The following NRXN3 variants were observed in gnomAD, a reference collection of about 807,000 sequenced individuals.
NRXN3 encodes the protein neurexin III.
In NRXN3, 32 loss-of-function variants were observed where a neutral mutation model predicts 137.6. The ratio of observed to expected loss-of-function variants is 0.23; its 90% CI spans 0.18 to 0.31. The LOEUF (loss-of-function observed/expected upper bound fraction) is 0.31, where lower values mean the gene tolerates loss of function less well. NRXN3 is among the 10% of genes least tolerant of loss of function. The probability of loss-of-function intolerance (pLI) is 1.00; values close to 1 mark genes in which losing one functional copy is unlikely to be tolerated. For synonymous variants in NRXN3, 798 were observed against 784.5 expected (o/e 1.02, Z -0.29); for missense variants, 1,574 against 2,062.5 (o/e 0.76, Z 4.59).
chr14:79,794,224 C>A (rs972256553), intron 19 of NRXN3, among the ~76,000 whole-genome samples: 3 of 151,956 alleles, frequency 2.0e-5, no homozygotes, highest in Admixed American at 1.3e-4. Context: ...ATTAGCAGGG[C>A]GTGGTGGCAG....
intron 16 of NRXN3, among the ~76,000 whole-genome samples, chr14:79,598,630 A>T (rs2097888097): frequency 6.6e-6 from 1 of 152,214 alleles, no homozygotes; most frequent in Non-Finnish European, 1.5e-5. Context: ...TTTGGCTAGA[A>T]GCCTAAGCAG....
At chr14:78,929,228 A>G (rs903542241) in intron 10 of NRXN3, among the ~76,000 whole-genome samples, 4 of 152,072 alleles carry the variant, frequency 2.6e-5, no homozygotes, top group African/African-American at 4.8e-5. Flanking sequence ...TTTTGAGTTC[A>G]GGGGTACATG....
chr14:79,275,732 G>A (rs1052332628), intron 15 of NRXN3, among the ~76,000 whole-genome samples: 1 of 139,078 alleles, frequency 7.2e-6, no homozygotes, highest in Non-Finnish European at 1.6e-5. Flanking sequence ...GGGTGAGGAT[G>A]GGGGGGGGGA....
intron 3 of NRXN3, among the ~76,000 whole-genome samples, chr14:78,285,391 T>C (rs2075035738): frequency 6.6e-6 from 1 of 152,200 alleles, no homozygotes; most frequent in Admixed American, 6.5e-5. Flanking sequence ...ATTACATGCC[T>C]CATTTAATGT....
At chr14:78,451,932 C>T (rs568735220) in intron 4 of NRXN3, among the ~76,000 whole-genome samples, 244 of 152,256 alleles carry the variant, frequency 1.6e-3, no homozygotes, top group African/African-American at 5.7e-3. Context: ...TCACATTTCC[C>T]CATGAAATTT....
chr14:79,499,050 T>C (rs533777929), intron 16 of NRXN3, among the ~76,000 whole-genome samples: 9 of 152,204 alleles, frequency 5.9e-5, no homozygotes, highest in Admixed American at 2.0e-4. Flanking sequence ...TCCCTGCCAA[T>C]CTTTTCTCCT....
At chr14:79,783,543 A>C (rs1201682695) in intron 19 of NRXN3, among the ~76,000 whole-genome samples, 1 of 152,200 alleles carries the variant, frequency 6.6e-6, no homozygotes, top group Non-Finnish European at 1.5e-5. Context: ...TGACTAAAAA[A>C]CAGAAATTTC....
At chr14:78,726,239 G>T (rs759528097) in intron 8 of NRXN3, among the ~76,000 whole-genome samples, 1 of 151,758 alleles carries the variant, frequency 6.6e-6, no homozygotes, top group African/African-American at 2.4e-5. Context: ...TGTGCAGAAC[G>T]TGCAGTTTTT....
chr14:78,543,264 GAAGTCCATA>G (rs913349708), intron 4 of NRXN3, among the ~76,000 whole-genome samples: 1 of 152,106 alleles, frequency 6.6e-6, no homozygotes, highest in Non-Finnish European at 1.5e-5. Flanking sequence ...GATCATAAAT[GAAGTCCATA>G]AAGTCCATAA....
chr14:78,695,504 C>G (rs748538792), intron 6 of NRXN3: 2 of 151,926 alleles, frequency 1.3e-5, no homozygotes, highest in Non-Finnish European at 2.9e-5. Context: ...CAGGAAAGGT[C>G]TAATTTAGGT....
chr14:78,766,927 C>T (rs923228758), intron 8 of NRXN3, among the ~76,000 whole-genome samples: 1 of 152,146 alleles, frequency 6.6e-6, no homozygotes, highest in African/African-American at 2.4e-5. Context: ...GTATCAAGGT[C>T]CTCAACACTC....
intron 19 of NRXN3, among the ~76,000 whole-genome samples, chr14:79,765,536 G>A (rs576937255): frequency 6.6e-6 from 1 of 152,156 alleles, no homozygotes; most frequent in East Asian, 1.9e-4. Context: ...GACACTATTA[G>A]GGGACAGATA....
chr14:78,827,329 A>C (rs2098969782), intron 10 of NRXN3, among the ~76,000 whole-genome samples: 1 of 151,354 alleles, frequency 6.6e-6, no homozygotes, highest in South Asian at 2.1e-4. Flanking sequence ...CACCATCTTT[A>C]GTACAATGCT....
intron 3 of NRXN3, among the ~76,000 whole-genome samples, chr14:78,289,050 G>A (rs1361028149): frequency 6.6e-6 from 1 of 152,130 alleles, no homozygotes; most frequent in Non-Finnish European, 1.5e-5. Context: ...CCCAGAGGCT[G>A]GAATCTGGGC....
At chr14:78,346,220 G>A (rs760202434) in intron 4 of NRXN3, among the ~76,000 whole-genome samples, 1 of 152,198 alleles carries the variant, frequency 6.6e-6, no homozygotes, top group Non-Finnish European at 1.5e-5. Flanking sequence ...AGTCTTGACT[G>A]CGGCTCTTGC....
chr14:79,802,797 C>T lies in NRXN3; in HGVS notation c.4015-2315C>T, dbSNP rs1470069359. Among the ~76,000 whole-genome samples the T allele has an allele frequency of 2.6e-5, 4 of 152,228 alleles. No individual in the cohort carries two copies. In the South Asian group the frequency reaches 8.3e-4, roughly 32 times the overall value. Reference sequence around the variant, plus strand: ...ATGTCTCTAACACAAATAACAGCCCCCCAGGATGTAACTACCAGTTTCAGT... The same window carrying T: ...ATGTCTCTAACACAAATAACAGCCCTCCAGGATGTAACTACCAGTTTCAGT... On this transcript the variant is annotated intron_variant, in intron 19 of 20. Coordinates refer to ENST00000335750, the MANE Select transcript of NRXN3 (RefSeq NM_001330195.2).
At chr14:79,023,412 T>G (rs1338981118) in intron 15 of NRXN3, among the ~76,000 whole-genome samples, 1 of 151,886 alleles carries the variant, frequency 6.6e-6, no homozygotes, top group Non-Finnish European at 1.5e-5. Flanking sequence ...TATTAGCACT[T>G]TCTGAAAAAA....
At chr14:79,834,887 T>C (rs889089039) in intron 20 of NRXN3, among the ~76,000 whole-genome samples, 2 of 152,088 alleles carry the variant, frequency 1.3e-5, no homozygotes, top group African/African-American at 2.4e-5. Context: ...TTTCGTTTCA[T>C]GCCACCAGTG....
intron 4 of NRXN3, among the ~76,000 whole-genome samples, chr14:78,487,490 C>T (rs938968236): frequency 1.8e-4 from 28 of 152,292 alleles, no homozygotes; most frequent in African/African-American, 6.3e-4. Flanking sequence ...CACCTGTAAT[C>T]CCAACACTTT....
Sources: allele counts gnomAD v4.1 joint callset (sites outside exome capture counted in the v4.1 genomes callset), GRCh38; gene constraint gnomAD v4.1.1; transcripts MANE v1.5; gene names NCBI Gene and HGNC (gene_info 2026-07-23, HGNC 2026-07-21).